KLHL13: variants seen among roughly 807,000 people sequenced by gnomAD.
KLHL13 encodes kelch like family member 13.
Under a neutral mutation model 37.1 loss-of-function variants are expected in KLHL13, and 10 were observed. That is an observed-to-expected ratio of 0.27 (90% CI 0.17 to 0.46). The LOEUF (loss-of-function observed/expected upper bound fraction) is 0.46. KLHL13 is among the 20% of genes least tolerant of loss of function. The pLI, the probability that KLHL13 is intolerant of heterozygous loss-of-function variation, is 1.00. For missense variants in KLHL13, 360 were observed against 509.3 expected (o/e 0.71, Z 2.82); for synonymous variants, 163 against 181.2 (o/e 0.90, Z 0.81).
chrX:118,035,171 G>A (rs764074983), intron 1 of KLHL13, among the ~76,000 whole-genome samples: 94 of 105,492 alleles, frequency 8.9e-4, no homozygotes, highest in Non-Finnish European at 1.7e-3. Flanking sequence ...GTACAAGGAG[G>A]AACTGGTACC....
intron 4 of KLHL13, among the ~76,000 whole-genome samples, chrX:117,911,044 T>C (rs1267953901): frequency 1.8e-5 from 2 of 112,091 alleles, no homozygotes; most frequent in South Asian, 7.4e-4. Context: ...TTAGCAAATA[T>C]AATACAAAGA....
At chrX:117,954,750 A>C (rs1933816196) in intron 1 of KLHL13, among the ~76,000 whole-genome samples, 1 of 112,145 alleles carries the variant, frequency 8.9e-6, no homozygotes, top group Admixed American at 9.5e-5. Context: ...TGCACAGAGG[A>C]AATAGTTACA....
At chrX:118,105,588 A>G (rs774124498) in intron 1 of KLHL13, among the ~76,000 whole-genome samples, 3 of 112,904 alleles carry the variant, frequency 2.7e-5, no homozygotes, top group Admixed American at 1.9e-4. Flanking sequence ...CTTGGTAATA[A>G]TATTAGTATT....
At chrX:118,080,753 T>A (rs1413001390) in intron 1 of KLHL13, among the ~76,000 whole-genome samples, 3 of 111,957 alleles carry the variant, frequency 2.7e-5, no homozygotes, top group Non-Finnish European at 5.7e-5. Context: ...AGCAATCCCA[T>A]TACTGGGTAC....
intron 1 of KLHL13, among the ~76,000 whole-genome samples, chrX:118,053,685 T>C: frequency 9.2e-6 from 1 of 108,826 alleles, no homozygotes; most frequent in East Asian, 2.9e-4. Context: ...AGCAATCCTG[T>C]GAGCAAATAT....
chrX:117,968,680 T>C (rs1373862815), intron 1 of KLHL13, among the ~76,000 whole-genome samples: 7 of 112,018 alleles, frequency 6.2e-5, no homozygotes. Flanking sequence ...TTAATAAGTA[T>C]TTTGCTAGAA....
intron 1 of KLHL13, chrX:117,972,630 T>G: frequency 1.6e-6 from 1 of 611,225 alleles, no homozygotes; most frequent in Non-Finnish European, 2.6e-6. Flanking sequence ...ATCCTGTAGG[T>G]TTTTGGATGT....
chrX:118,020,468 C>T (rs1458147803), intron 1 of KLHL13, among the ~76,000 whole-genome samples: 3 of 110,867 alleles, frequency 2.7e-5, no homozygotes, highest in East Asian at 2.8e-4. Context: ...GTTAGAATGG[C>T]GATCATTAAA....
At chrX:118,087,784 G>C (rs1303269803) in intron 1 of KLHL13, among the ~76,000 whole-genome samples, 2 of 111,350 alleles carry the variant, frequency 1.8e-5, no homozygotes, top group Non-Finnish European at 3.8e-5. Flanking sequence ...GCAGCTTCTA[G>C]GTCTGATTCT....
At chrX:118,084,140 T>C (rs1274955986) in intron 1 of KLHL13, among the ~76,000 whole-genome samples, 3 of 105,841 alleles carry the variant, frequency 2.8e-5, no homozygotes, top group Non-Finnish European at 5.8e-5. Context: ...AGCAACATAA[T>C]GAAACTCTGT....
chrX:117,922,647 G>A (rs1931781077), intron 2 of KLHL13, among the ~76,000 whole-genome samples: 1 of 111,723 alleles, frequency 9.0e-6, no homozygotes, highest in African/African-American at 3.3e-5. Flanking sequence ...GTAGTTTGTG[G>A]TAGTGGTAAA....
intron 1 of KLHL13, among the ~76,000 whole-genome samples, chrX:118,072,008 G>A (rs1726059250): frequency 9.0e-6 from 1 of 110,803 alleles, no homozygotes; most frequent in South Asian, 3.8e-4. Flanking sequence ...TCAAAAAAGA[G>A]CCTGCATCAC....
intron 1 of KLHL13, among the ~76,000 whole-genome samples, chrX:118,044,460 A>C (rs1300198157): frequency 9.1e-6 from 1 of 110,097 alleles, no homozygotes; most frequent in African/African-American, 3.3e-5. Context: ...GAAAATCAGA[A>C]GAATCACATT....
At chrX:117,961,461 A>C (rs1736402844) in intron 1 of KLHL13, among the ~76,000 whole-genome samples, 2 of 112,023 alleles carry the variant, frequency 1.8e-5, no homozygotes, top group Non-Finnish European at 3.8e-5. Flanking sequence ...TGACCTCCTA[A>C]AGATGTCCAC....
At chrX:117,972,818 T>C (rs1330834756) in exon 1 of KLHL13, 1 of 1,211,081 alleles carries the variant, frequency 8.3e-7, no homozygotes, top group Admixed American at 2.2e-5. Context: ...CGTTTTCCAT[T>C]TCAATGGCAT....
chrX:118,111,954 A>G (rs748374557), intron 1 of KLHL13, among the ~76,000 whole-genome samples: 1 of 112,164 alleles, frequency 8.9e-6, no homozygotes, highest in South Asian at 3.8e-4. Context: ...AATTCATGTA[A>G]TCTTTGCAAG....
chrX:117,905,180 T>C (rs1930418136), intron 5 of KLHL13, among the ~76,000 whole-genome samples: 1 of 111,474 alleles, frequency 9.0e-6, no homozygotes, highest in Non-Finnish European at 1.9e-5. Context: ...TTAGTAGTTT[T>C]ATTGTGCATG....
At chrX:117,943,788 G>A (rs1933174153) in intron 2 of KLHL13, among the ~76,000 whole-genome samples, 1 of 109,262 alleles carries the variant, frequency 9.2e-6, no homozygotes, top group Non-Finnish European at 1.9e-5. Flanking sequence ...CTTTAGCTCG[G>A]AGGAGTTTGC....
At chrX:118,116,248 C>T (rs1247684310) in intron 1 of KLHL13, among the ~76,000 whole-genome samples, 1 of 112,054 alleles carries the variant, frequency 8.9e-6, no homozygotes, top group Non-Finnish European at 1.9e-5. Context: ...AAGCCGGGTT[C>T]TGGGGTCCTA....
Sources: gnomAD v4.1 joint callset for allele counts (sites outside exome capture counted in the v4.1 genomes callset) on GRCh38, gnomAD v4.1.1 for gene constraint, MANE v1.5 for transcripts, NCBI Gene and HGNC (gene_info 2026-07-23, HGNC 2026-07-21) for gene names.